The following EPHB1 variants were observed in gnomAD, a reference collection of about 807,000 sequenced individuals.
EPHB1 encodes the protein ephrin type-B receptor 1.
A neutral mutation model predicts 94.4 loss-of-function variants in EPHB1; 30 were observed. The ratio of observed to expected loss-of-function variants is 0.32; its 90% CI spans 0.24 to 0.43. The LOEUF is 0.43. EPHB1 is among the 20% of genes least tolerant of loss of function. EPHB1 has a pLI of 1.00. For missense variants in EPHB1, 1,055 were observed against 1,308.3 expected (o/e 0.81, Z 2.99); for synonymous variants, 522 against 489.1 (o/e 1.07, Z -0.89).
At chr3:135,194,798 G>A (rs16842783) in intron 11 of EPHB1, among the ~76,000 whole-genome samples, 12,470 of 152,160 alleles carry the variant, frequency 0.082, 1,729 homozygotes, top group African/African-American at 0.28. Flanking sequence ...TTGAGGGTAT[G>A]GGGTTATGCT....
chr3:134,916,583 C>T (rs969258105), intron 1 of EPHB1, among the ~76,000 whole-genome samples: 2 of 152,242 alleles, frequency 1.3e-5, no homozygotes, highest in African/African-American at 4.8e-5. Flanking sequence ...CTGGCACACC[C>T]TCCGCAGCTG....
chr3:134,907,777 A>G (rs922961726), intron 1 of EPHB1, among the ~76,000 whole-genome samples: 1 of 152,146 alleles, frequency 6.6e-6, no homozygotes, highest in Non-Finnish European at 1.5e-5. Context: ...AAAATTCAGT[A>G]AAGTCTTGGG....
At chr3:134,932,123 A>T (rs934354422) in intron 2 of EPHB1, among the ~76,000 whole-genome samples, 2 of 152,054 alleles carry the variant, frequency 1.3e-5, no homozygotes, top group Non-Finnish European at 2.9e-5. Flanking sequence ...AAACACTTTC[A>T]ATAACGGGAG....
At chr3:134,862,126 T>C (rs1480812660) in intron 1 of EPHB1, among the ~76,000 whole-genome samples, 2 of 151,982 alleles carry the variant, frequency 1.3e-5, no homozygotes, top group African/African-American at 2.4e-5. Flanking sequence ...CCAAGCATCA[T>C]AGGTGAGGGA....
At position 135,146,627 on chromosome 3, in the gene EPHB1, C is replaced by T. The variant is rs145341536; in HGVS notation, c.1298-7525C>T. Reference sequence around the variant, plus strand: ...AAAATGTTCAAGGGAAACCAGCTCTCTTCTGGAGCGTTTATCACTCCAGCC... The same window carrying T: ...AAAATGTTCAAGGGAAACCAGCTCTTTTCTGGAGCGTTTATCACTCCAGCC... On this transcript the variant is annotated intron_variant, in intron 5 of 15. Coordinates refer to ENST00000398015, the MANE Select transcript of EPHB1 (RefSeq NM_004441.5). 5.9e-3 allele frequency among the ~76,000 whole-genome samples: 902 copies of T among 152,368 alleles called. 1 individual carries two copies. Among genetic ancestry groups the T allele is most frequent in the Non-Finnish European group, 0.01 (683 of 68,038 alleles).
At chr3:135,062,614 G>A (rs1937529678) in intron 3 of EPHB1, among the ~76,000 whole-genome samples, 1 of 152,052 alleles carries the variant, frequency 6.6e-6, no homozygotes, top group Admixed American at 6.6e-5. Flanking sequence ...AGATTGTGAA[G>A]ACTTTTTCCC....
At chr3:135,039,559 C>A (rs1231907592) in intron 3 of EPHB1, among the ~76,000 whole-genome samples, 2 of 152,276 alleles carry the variant, frequency 1.3e-5, no homozygotes, top group African/African-American at 4.8e-5. Flanking sequence ...GGCTGCAGGT[C>A]CCGAGCCCTG....
intron 1 of EPHB1, among the ~76,000 whole-genome samples, chr3:134,816,580 G>A (rs6776633): frequency 0.026 from 4,017 of 152,172 alleles, 76 homozygotes; most frequent in Non-Finnish European, 0.04. Flanking sequence ...TTTAAAGCCC[G>A]TGGTAGTTAT....
chr3:135,102,192 A>AT (rs1939056638), intron 3 of EPHB1, among the ~76,000 whole-genome samples: 1 of 152,218 alleles, frequency 6.6e-6, no homozygotes, highest in Non-Finnish European at 1.5e-5. Flanking sequence ...CTACCGCTGT[A>AT]TTTAATTATT....
intron 3 of EPHB1, among the ~76,000 whole-genome samples, chr3:135,093,450 G>T (rs2079755007): frequency 6.6e-6 from 1 of 152,130 alleles, no homozygotes; most frequent in African/African-American, 2.4e-5. Flanking sequence ...AGACACGGTG[G>T]CCCACACCTG....
intron 3 of EPHB1, among the ~76,000 whole-genome samples, chr3:135,091,617 A>G (rs1223322405): frequency 2.0e-5 from 3 of 152,108 alleles, no homozygotes; most frequent in Non-Finnish European, 4.4e-5. Flanking sequence ...GGCTCACCAA[A>G]CTCTGGGGTG....
At position 134,796,903 on chromosome 3, in the gene EPHB1, G is replaced by A. The variant is rs527390836; in HGVS notation, c.58+1214G>A. Among the ~76,000 whole-genome samples the A allele has an allele frequency of 2.6e-5, 4 of 152,342 alleles. No homozygotes were observed. The East Asian group carries it at 7.7e-4, about 29-fold the overall frequency. On this transcript the variant is annotated intron_variant, in intron 1 of 15. Transcript: ENST00000398015. ...TCGCTCCGCTTGTTACTCGTTCCTC[G>A]CGAAACTGTGACCGGTTGCCCAGTG... is the stretch of plus-strand genomic sequence containing the variant.
intron 1 of EPHB1, among the ~76,000 whole-genome samples, chr3:134,876,865 T>C (rs1268400479): frequency 6.6e-6 from 1 of 152,176 alleles, no homozygotes; most frequent in Non-Finnish European, 1.5e-5. Context: ...TAGCAAACCT[T>C]CTTTGACTGC....
intron 4 of EPHB1, among the ~76,000 whole-genome samples, chr3:135,122,170 A>G (rs1288523121): frequency 6.6e-6 from 1 of 152,176 alleles, no homozygotes; most frequent in Non-Finnish European, 1.5e-5. Flanking sequence ...CATACACAGC[A>G]CAGCACACAG....
At chr3:134,860,351 A>G (rs1207733672) in intron 1 of EPHB1, among the ~76,000 whole-genome samples, 1 of 152,136 alleles carries the variant, frequency 6.6e-6, no homozygotes, top group Non-Finnish European at 1.5e-5. Context: ...TTCGTCTGGT[A>G]CCTAGCCAAA....
chr3:135,024,461 TC>T (rs1936078353), intron 3 of EPHB1, among the ~76,000 whole-genome samples: 1 of 152,140 alleles, frequency 6.6e-6, no homozygotes, highest in Non-Finnish European at 1.5e-5. Flanking sequence ...TTAAAACCTT[TC>T]AACCACGTGG....
intron 3 of EPHB1, among the ~76,000 whole-genome samples, chr3:135,033,791 C>A (rs973930873): frequency 1.3e-5 from 2 of 152,178 alleles, no homozygotes; most frequent in African/African-American, 4.8e-5. Context: ...TACGTTAGCT[C>A]TTTTCGTATT....
chr3:135,241,304 G>A lies in EPHB1; in HGVS notation c.2496+7G>A, dbSNP rs2107728144. On this transcript the variant is annotated splice_region_variant and intron_variant, in intron 13 of 15. Transcript: ENST00000398015. ...GGATATGTCCAACCAAGATGTGAGTGTCAGCAGCACTTGGTCACCACAAAC... is the reference window on the plus strand; with the variant it reads ...GGATATGTCCAACCAAGATGTGAGTATCAGCAGCACTTGGTCACCACAAAC... 1 of 1,614,114 alleles carries A rather than the reference G, an allele frequency of 6.2e-7. No homozygotes were observed. Among genetic ancestry groups the A allele is most frequent in the Non-Finnish European group, 8.5e-7 (1 of 1,179,958 alleles).
chr3:135,212,533 C>T (rs548000190), intron 12 of EPHB1, among the ~76,000 whole-genome samples: 79 of 152,092 alleles, frequency 5.2e-4, no homozygotes, highest in African/African-American at 4.1e-4. Context: ...GTTTTCAATC[C>T]GTCTTATACA....
Sources: gnomAD v4.1 joint callset for allele counts (sites outside exome capture counted in the v4.1 genomes callset) on GRCh38, gnomAD v4.1.1 for gene constraint, MANE v1.5 for transcripts, NCBI Gene and HGNC (gene_info 2026-07-23, HGNC 2026-07-21) for gene names.